The following SLIT2 variants were observed in gnomAD, a reference collection of about 807,000 sequenced individuals.
SLIT2 encodes slit guidance ligand 2.
A neutral mutation model predicts 185.7 loss-of-function variants in SLIT2; 41 were observed. That is an observed-to-expected ratio of 0.22 (90% CI 0.17 to 0.29). The LOEUF is 0.29. Ranked by LOEUF, SLIT2 falls within the 10% of genes least tolerant of loss-of-function variation. The pLI, the probability that SLIT2 is intolerant of heterozygous loss-of-function variation, is 1.00. For synonymous variants in SLIT2, 693 were observed against 680.2 expected (o/e 1.02, Z -0.29); for missense variants, 1,571 against 1,909.0 (o/e 0.82, Z 3.30).
At chr4:20,596,710 G>T in intron 32 of SLIT2, 55 bp downstream of exon 32, 2 of 1,543,254 alleles carry the variant, frequency 1.3e-6, no homozygotes, top group African/African-American at 1.4e-5. Context: ...CAGCTTCAGA[G>T]AATAAACATT....
At chr4:20,519,273 A>T in intron 11 of SLIT2, 109 bp from the exon 12 acceptor site, 1 of 669,964 alleles carries the variant, frequency 1.5e-6, no homozygotes, top group South Asian at 1.6e-5. Context: ...AACTTTTATG[A>T]TGTATTGATT....
In SLIT2 at chr4:20,617,039, A is replaced by G. The variant is rs1729710592; in HGVS notation, c.3977A>G (p.Gln1326Arg). 1 of 1,614,210 alleles carries G rather than the reference A, an allele frequency of 6.2e-7. No homozygotes were observed. Residue 1326 changes from glutamine (Q) to arginine (R), a missense_variant, in exon 35 of 37, where the codon CAA becomes CGA. Physicochemically the swap from Gln to Arg is conservative, Grantham distance 43. Coordinates refer to ENST00000504154, the MANE Select transcript of SLIT2 (RefSeq NM_004787.4). ...CAGGACTTCCAGAAGGTGCCGATGC[A>G]AACAGGCATTTTGCCTGGCTGTGAG... is the stretch of plus-strand genomic sequence containing the variant. ...ELQDFQKVPM[Q>R]TGILPGCEPC... is the part of the protein sequence containing the mutation.
intron 4 of SLIT2, among the ~76,000 whole-genome samples, chr4:20,274,362 A>G (rs917665166): frequency 6.6e-6 from 1 of 152,208 alleles, no homozygotes; most frequent in African/African-American, 2.4e-5. Flanking sequence ...CTTTATTTTC[A>G]AATAGATAGG....
chr4:20,523,871 G>A lies in SLIT2; in HGVS notation c.1242G>A (p.Gly414=), dbSNP rs1051140631. 2 of 1,614,054 alleles carry A rather than the reference G, an allele frequency of 1.2e-6. No homozygotes were observed. The highest frequency in any genetic ancestry group is 4.5e-5 in the East Asian group (2 of 44,876). Residue 414 remains glycine (G), a synonymous_variant, in exon 13 of 37, where the codon GGG becomes GGA. Coordinates refer to ENST00000504154, the MANE Select transcript of SLIT2 (RefSeq NM_004787.4). ...ACAAGCTTCAGACCATCGCCAAGGG[G>A]ACCTTTTCACCTCTTCGGGCCATTC... ...YDNKLQTIAK[G]TFSPLRAIQT...
rs571646116 is a variant in SLIT2, at chr4:20,480,820, G to A, written c.539+33G>A. The stretch of plus-strand genomic sequence containing the variant: ...CTGCTATTTCTCTTGCTCTTTTAAC[G>A]GGGGCTTTGTGTCTGGACAGGACTA... On this transcript the variant is annotated intron_variant, in intron 6 of 36. Transcript: ENST00000504154. 4.6e-5 allele frequency: 70 copies of A among 1,519,916 alleles called. No homozygotes were observed. In the East Asian group the frequency reaches 7.9e-4, roughly 17 times the overall value. The allele number at this position is 1,519,916 out of a possible 1,614,324, so 94.2% of individuals were successfully genotyped here.
intron 29 of SLIT2, among the ~76,000 whole-genome samples, chr4:20,587,121 C>T (rs199928756): frequency 2.6e-5 from 4 of 151,758 alleles, no homozygotes; most frequent in Admixed American, 2.0e-4. Context: ...TGGGTTCAAG[C>T]GATTCTCCTG....
At chr4:20,517,695 C>T (rs529148535) in intron 11 of SLIT2, among the ~76,000 whole-genome samples, 75 of 152,148 alleles carry the variant, frequency 4.9e-4, no homozygotes, top group African/African-American at 1.2e-3. Context: ...TAATAGCACC[C>T]GGCTTTATTT....
chr4:20,421,828 C>T (rs1728193851), intron 4 of SLIT2, among the ~76,000 whole-genome samples: 1 of 152,178 alleles, frequency 6.6e-6, no homozygotes, highest in Admixed American at 6.5e-5. Context: ...CTCCCTCCTT[C>T]CCTTTCTCCA....
chr4:20,491,847 G>A lies in SLIT2; in HGVS notation c.862G>A (p.Gly288Arg), dbSNP rs1717811575. 6.2e-7 allele frequency: 1 copy of A among 1,613,680 alleles called. No individual in the cohort carries two copies. The highest frequency in any genetic ancestry group is 1.3e-5 in the African/African-American group (1 of 74,874). Reference sequence around the variant, plus strand: ...TAGCAACAATATCGTAGACTGTCGTGGGAAAGGTCTCACTGAGATCCCCAC... The same window carrying A: ...TAGCAACAATATCGTAGACTGTCGTAGGAAAGGTCTCACTGAGATCCCCAC... ...TCSNNIVDCR[G>R]KGLTEIPTNL... Residue 288 changes from glycine to arginine, a missense_variant, in exon 9 of 37, where the codon GGG (glycine) becomes AGG (arginine). Physicochemically the swap from Gly to Arg is moderately radical, Grantham distance 125. Around this residue, in one of 3 missense-constraint regions of SLIT2, gnomAD observed 1,202 missense variants for 1,416.4 expected, o/e 0.85. Coordinates refer to ENST00000504154, the MANE Select transcript of SLIT2 (RefSeq NM_004787.4).
intron 11 of SLIT2, among the ~76,000 whole-genome samples, chr4:20,514,001 A>G (rs980186260): frequency 2.0e-5 from 3 of 152,186 alleles, no homozygotes; most frequent in African/African-American, 4.8e-5. Context: ...CTGAGACACT[A>G]TAATTAGGGT....
At chr4:20,454,146 G>A (rs1456865931) in intron 4 of SLIT2, among the ~76,000 whole-genome samples, 1 of 152,132 alleles carries the variant, frequency 6.6e-6, no homozygotes, top group Non-Finnish European at 1.5e-5. Context: ...CTTCTCCCAA[G>A]GCTTCAAACC....
intron 4 of SLIT2, among the ~76,000 whole-genome samples, chr4:20,335,042 A>G (rs987469501): frequency 6.6e-6 from 1 of 152,162 alleles, no homozygotes; most frequent in African/African-American, 2.4e-5. Context: ...AGATATATGC[A>G]ATGGTGTTCT....
chr4:20,513,531 C>T (rs1314320041), intron 11 of SLIT2, among the ~76,000 whole-genome samples: 6 of 151,986 alleles, frequency 3.9e-5, no homozygotes, highest in African/African-American at 1.2e-4. Flanking sequence ...GTATTGGGCC[C>T]GATTATGTAC....
At chr4:20,392,747 C>T (rs7663703) in intron 4 of SLIT2, among the ~76,000 whole-genome samples, 19,508 of 151,898 alleles carry the variant, frequency 0.13, 1,459 homozygotes, top group Admixed American at 0.22. Context: ...ATATATTAGC[C>T]TAGCCCTACA....
In SLIT2 at chr4:20,283,737, T is replaced by A. The variant is rs559658022; in HGVS notation, c.395+14856T>A. ...AATTAGAGTATGACTCAGTCAAAAC[T>A]ATTTCAAAGCTTGATATTAAATAAA... On this transcript the variant is annotated intron_variant, in intron 4 of 36. Coordinates refer to ENST00000504154, the MANE Select transcript of SLIT2 (RefSeq NM_004787.4). 1.5e-3 allele frequency among the ~76,000 whole-genome samples: 235 copies of A among 152,316 alleles called. 1 individual carries two copies. Among genetic ancestry groups the A allele is most frequent in the African/African-American group, 5.0e-3 (206 of 41,562 alleles).
At chr4:20,258,758 T>C (rs1156791916) in intron 3 of SLIT2, among the ~76,000 whole-genome samples, 2 of 151,792 alleles carry the variant, frequency 1.3e-5, no homozygotes, top group African/African-American at 4.8e-5. Context: ...AGGTTTGATA[T>C]GTTTGCATTT....
At chr4:20,304,766 C>A (rs552843539) in intron 4 of SLIT2, among the ~76,000 whole-genome samples, 113 of 152,190 alleles carry the variant, frequency 7.4e-4, no homozygotes, top group African/African-American at 2.7e-3. Flanking sequence ...CCAACCATCC[C>A]CTCACCCCCA....
At chr4:20,286,219 T>C (rs574899812) in intron 4 of SLIT2, among the ~76,000 whole-genome samples, 1 of 152,302 alleles carries the variant, frequency 6.6e-6, no homozygotes, top group South Asian at 2.1e-4. Flanking sequence ...TTTTAAATCC[T>C]CACCTCACTT....
intron 4 of SLIT2, among the ~76,000 whole-genome samples, chr4:20,330,970 C>T (rs2109199090): frequency 6.6e-6 from 1 of 152,132 alleles, no homozygotes; most frequent in Non-Finnish European, 1.5e-5. Context: ...CAAAGTAAGC[C>T]TGTAAGAAAG....
Sources: gnomAD v4.1 joint callset for allele counts (sites outside exome capture counted in the v4.1 genomes callset) on GRCh38, gnomAD v4.1.1 for gene constraint, gnomAD v4.1.1 regional missense constraint, MANE v1.5 for transcripts, NCBI Gene and HGNC (gene_info 2026-07-23, HGNC 2026-07-21) for gene names.